The following SYNDIG1 variants were observed in gnomAD, a reference collection of about 807,000 sequenced individuals.
The protein encoded by SYNDIG1 is synapse differentiation inducing 1.
In SYNDIG1, 9 loss-of-function variants were observed where a neutral mutation model predicts 19.4. The observed-to-expected ratio is 0.46, with a 90% CI of 0.28 to 0.81. The LOEUF is 0.81. Among genes scored for constraint, SYNDIG1 ranks in the 30% least tolerant of loss-of-function variants. The pLI is 0.12. For missense variants in SYNDIG1, 311 were observed against 343.3 expected (o/e 0.91, Z 0.74); for synonymous variants, 141 against 145.9 (o/e 0.97, Z 0.24).
Position 24,599,385 on chromosome 20 carries a change from G to A in SYNDIG1, c.618+14392G>A, listed in dbSNP as rs576979992. ...ATGGGAACTCTTATATACTGTTGGT[G>A]AGAATGCAAACTAGTACAACCATTA... On this transcript the variant is annotated intron_variant, in intron 3 of 3. Coordinates refer to ENST00000376862, the MANE Select transcript of SYNDIG1 (RefSeq NM_024893.3). Among the ~76,000 whole-genome samples the A allele has an allele frequency of 5.9e-5, 9 of 152,298 alleles. No individual in the cohort carries two copies. In the South Asian group the frequency reaches 1.9e-3, roughly 32 times the overall value.
intron 1 of SYNDIG1, among the ~76,000 whole-genome samples, chr20:24,524,174 C>CT (rs779484148): frequency 1.3e-5 from 2 of 152,316 alleles, no homozygotes; most frequent in South Asian, 2.1e-4. Context: ...TTCGAAGGCG[C>CT]TGACCCATTG....
intron 3 of SYNDIG1, among the ~76,000 whole-genome samples, chr20:24,626,167 G>A (rs2059128005): frequency 1.3e-5 from 2 of 150,736 alleles, no homozygotes; most frequent in African/African-American, 4.9e-5. Flanking sequence ...CCGGGCAGGG[G>A]GCTGACCCCC....
intron 2 of SYNDIG1, among the ~76,000 whole-genome samples, chr20:24,566,117 C>A (rs2058037687): frequency 6.6e-6 from 1 of 152,150 alleles, no homozygotes; most frequent in African/African-American, 2.4e-5. Flanking sequence ...CAGCCAGAGT[C>A]CCACAGAGGG....
intron 3 of SYNDIG1, among the ~76,000 whole-genome samples, chr20:24,653,346 C>G (rs982455418): frequency 3.3e-5 from 5 of 152,130 alleles, no homozygotes. Context: ...GGGCTGGGAG[C>G]TCCAGGTGTG....
At chr20:24,507,074 G>T (rs2056611408) in intron 1 of SYNDIG1, among the ~76,000 whole-genome samples, 1 of 152,198 alleles carries the variant, frequency 6.6e-6, no homozygotes, top group East Asian at 1.9e-4. Context: ...AGTGGAGTGG[G>T]AAGTGAGCTT....
chr20:24,563,114 T>C (rs2057977033), intron 2 of SYNDIG1, among the ~76,000 whole-genome samples: 1 of 152,210 alleles, frequency 6.6e-6, no homozygotes, highest in African/African-American at 2.4e-5. Flanking sequence ...CAAAATCCAG[T>C]ACCAATAAAA....
At chr20:24,500,987 C>CGT in intron 1 of SYNDIG1, among the ~76,000 whole-genome samples, 1 of 151,980 alleles carries the variant, frequency 6.6e-6, no homozygotes, top group Non-Finnish European at 1.5e-5. Context: ...CCAACTCTAC[C>CGT]GTATAAACAC....
chr20:24,557,096 A>C (rs1319747250), intron 2 of SYNDIG1, among the ~76,000 whole-genome samples: 1 of 151,998 alleles, frequency 6.6e-6, no homozygotes, highest in Non-Finnish European at 1.5e-5. Context: ...ACTTGATCGC[A>C]TCAGCTCCTG....
chr20:24,657,435 C>A (rs868583087), intron 3 of SYNDIG1, among the ~76,000 whole-genome samples: 3 of 152,146 alleles, frequency 2.0e-5, no homozygotes, highest in African/African-American at 7.2e-5. Context: ...AGGGGATCGG[C>A]GCCAGCACCC....
intron 1 of SYNDIG1, among the ~76,000 whole-genome samples, chr20:24,516,434 C>T (rs2056866001): frequency 6.6e-6 from 1 of 152,198 alleles, no homozygotes; most frequent in Non-Finnish European, 1.5e-5. Flanking sequence ...ATCTACTCAT[C>T]TGACAAAGGG....
intron 2 of SYNDIG1, among the ~76,000 whole-genome samples, chr20:24,577,272 G>A (rs1347229015): frequency 1.3e-5 from 2 of 152,204 alleles, no homozygotes; most frequent in Non-Finnish European, 2.9e-5. Flanking sequence ...GAGAACAAGG[G>A]GCCTCGAGAT....
intron 2 of SYNDIG1, among the ~76,000 whole-genome samples, chr20:24,556,932 T>G (rs2057833129): frequency 6.6e-6 from 1 of 152,214 alleles, no homozygotes; most frequent in Non-Finnish European, 1.5e-5. Context: ...CCCCGTCACT[T>G]TCAGGTACAC....
chr20:24,557,305 C>T (rs917488858), intron 2 of SYNDIG1, among the ~76,000 whole-genome samples: 2 of 152,202 alleles, frequency 1.3e-5, no homozygotes, highest in African/African-American at 2.4e-5. Context: ...TCTCTCGACT[C>T]GTCAAAGTCA....
At chr20:24,638,213 G>A (rs890364665) in intron 3 of SYNDIG1, among the ~76,000 whole-genome samples, 1 of 152,236 alleles carries the variant, frequency 6.6e-6, no homozygotes, top group Non-Finnish European at 1.5e-5. Flanking sequence ...GTGCAGGGCT[G>A]AGAAGGACAG....
intron 3 of SYNDIG1, among the ~76,000 whole-genome samples, chr20:24,649,534 A>G (rs2059449982): frequency 6.6e-6 from 1 of 152,182 alleles, no homozygotes; most frequent in Admixed American, 6.5e-5. Flanking sequence ...TTGCTCACTT[A>G]CAGTCCAGGA....
intron 3 of SYNDIG1, among the ~76,000 whole-genome samples, chr20:24,646,149 GC>G (rs923443669): frequency 1.3e-5 from 2 of 152,130 alleles, no homozygotes; most frequent in African/African-American, 4.8e-5. Flanking sequence ...TCATTTTGAA[GC>G]CCCACATGCA....
chr20:24,501,483 C>A (rs560672998), intron 1 of SYNDIG1, among the ~76,000 whole-genome samples: 20 of 152,186 alleles, frequency 1.3e-4, no homozygotes, highest in Non-Finnish European at 2.1e-4. Flanking sequence ...GTGCTGTGCC[C>A]AGCCGTTTAT....
chr20:24,510,942 T>A (rs923230209), intron 1 of SYNDIG1, among the ~76,000 whole-genome samples: 7 of 152,220 alleles, frequency 4.6e-5, no homozygotes, highest in South Asian at 4.1e-4. Flanking sequence ...AAGTCCCTCA[T>A]CAGATATTTC....
intron 1 of SYNDIG1, among the ~76,000 whole-genome samples, chr20:24,540,612 T>C (rs1372933727): frequency 6.6e-6 from 1 of 152,222 alleles, no homozygotes; most frequent in East Asian, 1.9e-4. Flanking sequence ...CAGAAATGCT[T>C]AGTAGAAAGG....
Sources: allele counts gnomAD v4.1 joint callset (sites outside exome capture counted in the v4.1 genomes callset), GRCh38; gene constraint gnomAD v4.1.1; transcripts MANE v1.5; gene names NCBI Gene and HGNC (gene_info 2026-07-23, HGNC 2026-07-21).